The following CTNNA2 variants were observed in gnomAD, a reference collection of about 807,000 sequenced individuals.
The protein encoded by CTNNA2 is catenin alpha-2.
CTNNA2 carries 42 observed loss-of-function variants against 101.0 expected under a neutral mutation model. That is an observed-to-expected ratio of 0.42 (90% CI 0.32 to 0.54). The LOEUF is 0.54. Among genes scored for constraint, CTNNA2 ranks in the 20% least tolerant of loss-of-function variants. The pLI is 0.14. For missense variants in CTNNA2, 871 were observed against 1,223.1 expected (o/e 0.71, Z 4.29); for synonymous variants, 450 against 456.4 (o/e 0.99, Z 0.18).
chr2:80,130,084 G>A (rs1489037290), intron 7 of CTNNA2, among the ~76,000 whole-genome samples: 1 of 152,132 alleles, frequency 6.6e-6, no homozygotes, highest in African/African-American at 2.4e-5. Context: ...GCAGACCAAA[G>A]TGCATTTGCC....
chr2:80,606,239 T>C (rs1293645504), intron 16 of CTNNA2, among the ~76,000 whole-genome samples: 1 of 151,828 alleles, frequency 6.6e-6, no homozygotes, highest in Non-Finnish European at 1.5e-5. Context: ...TCTCGGCATC[T>C]TTAGGCCCTT....
intron 7 of CTNNA2, among the ~76,000 whole-genome samples, chr2:80,196,134 T>C (rs932177615): frequency 6.6e-6 from 1 of 152,184 alleles, no homozygotes; most frequent in Admixed American, 6.5e-5. Context: ...ATGCATGTAA[T>C]TATAGATTTT....
intron 9 of CTNNA2, among the ~76,000 whole-genome samples, chr2:80,542,282 A>G (rs923659340): frequency 6.6e-6 from 1 of 151,878 alleles, no homozygotes; most frequent in Admixed American, 6.6e-5. Context: ...TGTTTTTTCT[A>G]TTCAGGACAC....
chr2:80,559,990 G>A (rs887631810), intron 12 of CTNNA2, among the ~76,000 whole-genome samples: 3 of 148,546 alleles, frequency 2.0e-5, no homozygotes, highest in Non-Finnish European at 3.0e-5. Flanking sequence ...CCATGTGAGC[G>A]TGACTAGGTT....
chr2:80,302,311 G>A lies in CTNNA2; in HGVS notation c.1057-90900G>A, dbSNP rs1259293742. The A allele has an allele frequency of 6.2e-7, 1 of 1,614,074 alleles. No homozygotes were observed. Among genetic ancestry groups the A allele is most frequent in the Non-Finnish European group, 8.5e-7 (1 of 1,180,042 alleles). On this transcript the variant is annotated intron_variant, in intron 7 of 18. Coordinates refer to ENST00000402739, the MANE Select transcript of CTNNA2 (RefSeq NM_001282597.3). The surrounding 1 kb of genome is among the most constrained non-coding windows in gnomAD (Gnocchi z 6.4). ...AGGTACACGAGCCATACTCGTTGAT[G>A]ATCACCAGGGCTCCCTCAATGTGGT...
chr2:80,062,965 A>G lies in CTNNA2; in HGVS notation c.1056+153168A>G, dbSNP rs573043879. ...CGTGATCCACCTGCCTCGGCCTCCCAAAGTGCTGGGATTACAGGCGTGAGC... is the reference window on the plus strand; with the variant it reads ...CGTGATCCACCTGCCTCGGCCTCCCGAAGTGCTGGGATTACAGGCGTGAGC... On this transcript the variant is annotated intron_variant, in intron 7 of 18. Transcript: ENST00000402739. 9.0e-3 allele frequency among the ~76,000 whole-genome samples: 1,363 copies of G among 152,240 alleles called. 21 individuals are homozygous for G. The highest frequency in any genetic ancestry group is 0.012 in the Non-Finnish European group (826 of 68,018).
At chr2:79,819,320 G>A (rs114466081) in intron 3 of CTNNA2, among the ~76,000 whole-genome samples, 3,809 of 152,132 alleles carry the variant, frequency 0.025, 146 homozygotes, top group African/African-American at 0.086. Context: ...TCCTCTGTGC[G>A]CCATTACTTC....
chr2:79,679,368 G>A (rs913253737), intron 2 of CTNNA2, among the ~76,000 whole-genome samples: 54 of 152,124 alleles, frequency 3.5e-4, no homozygotes, highest in African/African-American at 1.2e-3. Context: ...TGGGCGGGTT[G>A]GCATCCCACC....
chr2:79,916,714 C>A (rs1286283918), intron 7 of CTNNA2, among the ~76,000 whole-genome samples: 1 of 151,724 alleles, frequency 6.6e-6, no homozygotes, highest in Admixed American at 6.6e-5. Flanking sequence ...TCGCTAGTAG[C>A]TGGGACAACA....
intron 6 of CTNNA2, among the ~76,000 whole-genome samples, chr2:79,892,758 A>G (rs1030004102): frequency 6.6e-6 from 1 of 152,192 alleles, no homozygotes; most frequent in African/African-American, 2.4e-5. Flanking sequence ...AAATTGAGAA[A>G]GATATTTGAG....
chr2:79,805,951 G>T (rs987451988), intron 3 of CTNNA2, among the ~76,000 whole-genome samples: 2 of 150,594 alleles, frequency 1.3e-5, no homozygotes, highest in African/African-American at 4.9e-5. Context: ...AAAAAAAAAA[G>T]ATAAGTTTAT....
chr2:79,314,338 T>G (rs1676448054), intron 3 of CTNNA2, among the ~76,000 whole-genome samples: 1 of 152,178 alleles, frequency 6.6e-6, no homozygotes, highest in African/African-American at 2.4e-5. Context: ...CAAACAGGAC[T>G]GTTGGCATAG....
chr2:79,241,348 A>G (rs1466696563), intron 2 of CTNNA2, among the ~76,000 whole-genome samples: 2 of 152,214 alleles, frequency 1.3e-5, no homozygotes, highest in Non-Finnish European at 2.9e-5. Context: ...CACTAAAGAG[A>G]TTATGATTAA....
chr2:80,136,080 A>G (rs1702678316), intron 7 of CTNNA2, among the ~76,000 whole-genome samples: 1 of 152,170 alleles, frequency 6.6e-6, no homozygotes, highest in African/African-American at 2.4e-5. Flanking sequence ...TACTGTGCAC[A>G]ATGACAACGT....
intron 7 of CTNNA2, among the ~76,000 whole-genome samples, chr2:80,279,691 C>T (rs1165560569): frequency 9.2e-5 from 14 of 152,062 alleles, no homozygotes; most frequent in Admixed American, 1.3e-4. Flanking sequence ...TGGCAGAGGA[C>T]TTTTCATGAT....
intron 4 of CTNNA2, among the ~76,000 whole-genome samples, chr2:79,454,334 C>T (rs1477082957): frequency 6.6e-6 from 1 of 152,048 alleles, no homozygotes; most frequent in Non-Finnish European, 1.5e-5. Context: ...AATTGTATTA[C>T]ATTTCTAGTA....
intron 1 of CTNNA2, among the ~76,000 whole-genome samples, chr2:79,578,683 T>C (rs973879937): frequency 2.0e-5 from 3 of 152,188 alleles, no homozygotes; most frequent in Non-Finnish European, 4.4e-5. Context: ...TGGCTTTCTA[T>C]ATAGCACAGG....
chr2:80,151,847 A>G (rs1053923640), intron 7 of CTNNA2, among the ~76,000 whole-genome samples: 6 of 151,928 alleles, frequency 3.9e-5, no homozygotes, highest in African/African-American at 1.5e-4. Flanking sequence ...TCTGCTGCCA[A>G]CCCCACTCTT....
At chr2:79,206,323 T>C (rs769875473) in intron 2 of CTNNA2, among the ~76,000 whole-genome samples, 42 of 151,870 alleles carry the variant, frequency 2.8e-4, no homozygotes, top group Admixed American at 9.2e-4. Flanking sequence ...TACCTTTAAA[T>C]ATACAAAGAA....
Sources: allele counts gnomAD v4.1 joint callset (sites outside exome capture counted in the v4.1 genomes callset), GRCh38; gene constraint gnomAD v4.1.1; non-coding constraint Gnocchi (gnomAD v3.1); transcripts MANE v1.5; gene names NCBI Gene and HGNC (gene_info 2026-07-23, HGNC 2026-07-21).